The following NCAM2 variants were observed in gnomAD, a reference collection of about 807,000 sequenced individuals.
The protein encoded by NCAM2 is N-CAM-2.
A neutral mutation model predicts 98.1 loss-of-function variants in NCAM2; 30 were observed. The observed-to-expected ratio is 0.31, with a 90% CI of 0.23 to 0.41. The LOEUF is 0.41. Among genes scored for constraint, NCAM2 ranks in the 10% least tolerant of loss-of-function variants. The pLI, the probability that NCAM2 is intolerant of heterozygous loss-of-function variation, is 1.00. For missense variants in NCAM2, 867 were observed against 1,005.8 expected (o/e 0.86, Z 1.87); for synonymous variants, 368 against 342.4 (o/e 1.07, Z -0.83).
intron 1 of NCAM2, among the ~76,000 whole-genome samples, chr21:21,158,245 A>C (rs1394975598): frequency 1.3e-4 from 20 of 152,204 alleles, no homozygotes. Context: ...TTAAAATAGC[A>C]CATTCACACT....
chr21:21,232,622 T>C (rs908487084), intron 1 of NCAM2, among the ~76,000 whole-genome samples: 1 of 151,618 alleles, frequency 6.6e-6, no homozygotes, highest in Non-Finnish European at 1.5e-5. Context: ...AAAAATAACA[T>C]CCATTAATAG....
chr21:21,225,662 T>C (rs2070352962), intron 1 of NCAM2, among the ~76,000 whole-genome samples: 1 of 152,048 alleles, frequency 6.6e-6, no homozygotes, highest in Admixed American at 6.6e-5. Context: ...CTATTTAATA[T>C]CTTAATATTT....
chr21:21,164,931 A>G (rs1182789421), intron 1 of NCAM2, among the ~76,000 whole-genome samples: 3 of 152,212 alleles, frequency 2.0e-5, no homozygotes, highest in Admixed American at 6.5e-5. Flanking sequence ...TAAGGTAACT[A>G]TAACTACAAA....
At chr21:21,094,247 A>G (rs1481598850) in intron 1 of NCAM2, among the ~76,000 whole-genome samples, 2 of 151,996 alleles carry the variant, frequency 1.3e-5, no homozygotes, top group African/African-American at 4.8e-5. Flanking sequence ...TGTCAGTCTT[A>G]TATACACAAA....
At chr21:21,316,533 C>CTTTTTTTTTTTT (rs34341259) in intron 5 of NCAM2, among the ~76,000 whole-genome samples, 2 of 110,900 alleles carry the variant, frequency 1.8e-5, no homozygotes, top group African/African-American at 3.5e-5. Context: ...ATCTTTTATT[C>CTTTTTTTTTTTT]TTTTTTTTTT....
At chr21:21,419,305 CTT>C (rs34109924) in intron 11 of NCAM2, among the ~76,000 whole-genome samples, 26,761 of 99,420 alleles carry the variant, frequency 0.27, 2,858 homozygotes, top group Admixed American at 0.32. Flanking sequence ...AAATAGGGAA[CTT>C]TTTTTTTTTT....
intron 8 of NCAM2, among the ~76,000 whole-genome samples, chr21:21,363,144 T>C (rs186143888): frequency 4.7e-4 from 71 of 152,300 alleles, no homozygotes; most frequent in African/African-American, 1.7e-3. Context: ...GAATCTCTTT[T>C]GGGGCCAAAT....
At chr21:21,198,090 T>G (rs1217064143) in intron 1 of NCAM2, among the ~76,000 whole-genome samples, 1 of 152,144 alleles carries the variant, frequency 6.6e-6, no homozygotes, top group Non-Finnish European at 1.5e-5. Flanking sequence ...ACCATTTTTA[T>G]GTATTTTTAT....
At chr21:21,475,825 C>G (rs1333011903) in intron 14 of NCAM2, among the ~76,000 whole-genome samples, 2 of 152,110 alleles carry the variant, frequency 1.3e-5, no homozygotes, top group African/African-American at 4.8e-5. Context: ...ACAGGCCAAA[C>G]TTTTCTGTTC....
At chr21:21,515,048 GT>G (rs1988632290) in intron 16 of NCAM2, among the ~76,000 whole-genome samples, 1 of 152,112 alleles carries the variant, frequency 6.6e-6, no homozygotes, top group African/African-American at 2.4e-5. Flanking sequence ...TTTTAAAAAT[GT>G]TACAATTTGT....
intron 5 of NCAM2, among the ~76,000 whole-genome samples, chr21:21,298,632 TGATA>T (rs1409566467): frequency 9.6e-5 from 13 of 135,124 alleles, no homozygotes; most frequent in East Asian, 6.4e-4. Flanking sequence ...GATAGATAGA[TGATA>T]GATAGAGATA....
At chr21:21,054,803 G>C (rs9637136) in intron 1 of NCAM2, among the ~76,000 whole-genome samples, 2 of 152,088 alleles carry the variant, frequency 1.3e-5, no homozygotes, top group Admixed American at 6.5e-5. Flanking sequence ...TGAACAGTGT[G>C]CTGCTTAAAA....
chr21:21,423,580 T>C (rs1490876028), intron 11 of NCAM2, among the ~76,000 whole-genome samples: 1 of 152,144 alleles, frequency 6.6e-6, no homozygotes, highest in Non-Finnish European at 1.5e-5. Context: ...CATTTGACTT[T>C]TGTTATTTTT....
chr21:21,034,652 T>G (rs2064761216), intron 1 of NCAM2, among the ~76,000 whole-genome samples: 1 of 152,150 alleles, frequency 6.6e-6, no homozygotes, highest in Non-Finnish European at 1.5e-5. Context: ...TGAAAGAAAC[T>G]TAAGTTTTAG....
chr21:21,530,096 T>A (rs5021234), intron 16 of NCAM2, among the ~76,000 whole-genome samples: 36,839 of 126,252 alleles, frequency 0.29, 6,956 homozygotes, highest in African/African-American at 0.42. Flanking sequence ...TAATTTAATT[T>A]AATTATATAT....
At chr21:21,522,967 C>T (rs1207097910) in intron 16 of NCAM2, among the ~76,000 whole-genome samples, 2 of 152,134 alleles carry the variant, frequency 1.3e-5, no homozygotes, top group Non-Finnish European at 2.9e-5. Context: ...AAACTAGAAA[C>T]TCAGGTCTCC....
intron 1 of NCAM2, among the ~76,000 whole-genome samples, chr21:21,015,538 T>C (rs928495223): frequency 6.6e-6 from 1 of 152,320 alleles, no homozygotes; most frequent in African/African-American, 2.4e-5. Context: ...TAGACATCAT[T>C]CTGTTGCACA....
chr21:21,000,034 G>T (rs184478581), intron 1 of NCAM2, among the ~76,000 whole-genome samples: 215 of 152,302 alleles, frequency 1.4e-3, no homozygotes, highest in African/African-American at 5.0e-3. Context: ...CTAACATAGA[G>T]TATGAAATAT....
At chr21:21,226,185 G>T (rs2070375361) in intron 1 of NCAM2, among the ~76,000 whole-genome samples, 1 of 151,992 alleles carries the variant, frequency 6.6e-6, no homozygotes, top group South Asian at 2.1e-4. Flanking sequence ...GGCAAAGGAT[G>T]AAAAACTACC....
Sources: allele counts gnomAD v4.1 joint callset (sites outside exome capture counted in the v4.1 genomes callset), GRCh38; gene constraint gnomAD v4.1.1; transcripts MANE v1.5; gene names NCBI Gene and HGNC (gene_info 2026-07-23, HGNC 2026-07-21).